DOCK9: variants seen among roughly 807,000 people sequenced by gnomAD.
DOCK9 encodes dedicator of cytokinesis protein 9.
DOCK9 carries 89 observed loss-of-function variants against 263.3 expected under a neutral mutation model. The ratio of observed to expected loss-of-function variants is 0.34; its 90% confidence interval spans 0.28 to 0.40. The LOEUF is 0.40. Ranked by LOEUF, DOCK9 falls within the 10% of genes least tolerant of loss-of-function variation. The pLI, the probability that DOCK9 is intolerant of heterozygous loss-of-function variation, is 1.00. For synonymous variants in DOCK9, 976 were observed against 973.1 expected, an observed-to-expected ratio of 1.00 and a Z score of -0.06; for missense variants, 2,140 against 2,603.4, an observed-to-expected ratio of 0.82 and a Z score of 3.87.
At chr13:98,801,381 A>G (rs1332378263) in intron 49 of DOCK9, among the ~76,000 whole-genome samples, 1 of 152,214 alleles carries the variant, frequency 6.6e-6, no homozygotes, top group Admixed American at 6.5e-5. Context: ...GAAATTCACA[A>G]ACTTTTGGAG....
At chr13:98,958,950 A>G (rs1466600458) in intron 1 of DOCK9, among the ~76,000 whole-genome samples, 3 of 152,168 alleles carry the variant, frequency 2.0e-5, no homozygotes, top group Non-Finnish European at 4.4e-5. Flanking sequence ...TTTCCCCCCA[A>G]GGTGTATCTT....
intron 1 of DOCK9, among the ~76,000 whole-genome samples, chr13:99,045,798 CA>C (rs369785921): frequency 2.0e-5 from 3 of 151,088 alleles, no homozygotes; most frequent in African/African-American, 7.3e-5. Context: ...CAAAACAAAA[CA>C]AAAAAAACAG....
At chr13:99,007,816 C>T (rs1177979879) in intron 1 of DOCK9, among the ~76,000 whole-genome samples, 1 of 152,156 alleles carries the variant, frequency 6.6e-6, no homozygotes, top group African/African-American at 2.4e-5. Flanking sequence ...TCATAAATAG[C>T]AATGATGAAA....
chr13:98,941,699 G>A (rs1457344122), intron 2 of DOCK9, among the ~76,000 whole-genome samples: 6 of 152,184 alleles, frequency 3.9e-5, no homozygotes, highest in Non-Finnish European at 5.9e-5. Flanking sequence ...TGGGGCCCAC[G>A]TGGTATGTCT....
intron 38 of DOCK9, among the ~76,000 whole-genome samples, chr13:98,837,884 G>A (rs760832374): frequency 1.3e-5 from 2 of 152,132 alleles, no homozygotes; most frequent in East Asian, 1.9e-4. Context: ...TACCAGCCAC[G>A]ATTCTATGAA....
At chr13:98,816,710 G>A (rs1354240766) in intron 45 of DOCK9, among the ~76,000 whole-genome samples, 3 of 151,636 alleles carry the variant, frequency 2.0e-5, no homozygotes, top group African/African-American at 7.3e-5. Flanking sequence ...AAAGAGGATC[G>A]GGTTAGTCAG....
intron 1 of DOCK9, among the ~76,000 whole-genome samples, chr13:99,037,169 G>A (rs901735785): frequency 6.6e-6 from 1 of 151,788 alleles, no homozygotes; most frequent in African/African-American, 2.4e-5. Flanking sequence ...ATTGCAAAAA[G>A]AGAAAAAAAT....
chr13:99,071,194 G>A (rs922671463), intron 1 of DOCK9, among the ~76,000 whole-genome samples: 1 of 151,780 alleles, frequency 6.6e-6, no homozygotes, highest in Non-Finnish European at 1.5e-5. Context: ...TCAGGCTGGA[G>A]TGCAGTGGTG....
At chr13:98,802,228 ACT>A (rs2090194814) in intron 49 of DOCK9, among the ~76,000 whole-genome samples, 1 of 152,232 alleles carries the variant, frequency 6.6e-6, no homozygotes, top group Admixed American at 6.5e-5. Flanking sequence ...TCATCTGGGT[ACT>A]GTTTATCATC....
chr13:98,885,648 C>G (rs1381205234), intron 20 of DOCK9, 60 bp downstream of exon 20: 1 of 1,508,520 alleles, frequency 6.6e-7, no homozygotes, highest in Non-Finnish European at 8.9e-7. Context: ...AATCTTAATA[C>G]AATTTAAGAA....
intron 1 of DOCK9, among the ~76,000 whole-genome samples, chr13:99,003,521 C>T (rs1012292383): frequency 4.6e-5 from 7 of 152,136 alleles, no homozygotes; most frequent in African/African-American, 1.4e-4. Flanking sequence ...TGTTGTGATG[C>T]GCTAAACCTC....
At chr13:98,892,490 G>C (rs2046777189) in intron 15 of DOCK9, among the ~76,000 whole-genome samples, 1 of 151,794 alleles carries the variant, frequency 6.6e-6, no homozygotes, top group Non-Finnish European at 1.5e-5. Context: ...AAAAGCTTTG[G>C]TGTCACTTAA....
intron 1 of DOCK9, among the ~76,000 whole-genome samples, chr13:99,055,433 T>C (rs1730570550): frequency 6.6e-6 from 1 of 152,144 alleles, no homozygotes; most frequent in South Asian, 2.1e-4. Flanking sequence ...CTGCGTTGGC[T>C]GGGCAGCCTC....
At chr13:99,022,284 A>T (rs748120240) in intron 1 of DOCK9, among the ~76,000 whole-genome samples, 2 of 152,154 alleles carry the variant, frequency 1.3e-5, no homozygotes, top group Non-Finnish European at 2.9e-5. Flanking sequence ...TTCTGCCTGG[A>T]CCACTCTGAA....
At chr13:99,042,518 A>G (rs750915894) in intron 1 of DOCK9, among the ~76,000 whole-genome samples, 2 of 152,208 alleles carry the variant, frequency 1.3e-5, no homozygotes, top group Non-Finnish European at 2.9e-5. Flanking sequence ...CCCCAGACAG[A>G]GCAGGTTTAG....
chr13:98,829,533 G>T lies in DOCK9; in HGVS notation c.4750-11C>A, dbSNP rs748806317. The T allele has an allele frequency of 4.4e-6, 7 of 1,607,884 alleles. No individual in the cohort carries two copies. The South Asian group carries it at 7.8e-5, about 18-fold the overall frequency. On this transcript the variant is annotated splice_polypyrimidine_tract_variant and intron_variant, in intron 42 of 52. Coordinates refer to ENST00000682017, the MANE Select transcript of DOCK9 (RefSeq NM_001366683.2). This position sits in a 1 kb window ranked among gnomAD's most constrained non-coding sequence, Gnocchi z 4.1. Reference sequence around the variant, plus strand: ...GGAGAAGCTGGTGTGCTAAAACAAGGGTGGAAGAGGAAAGGACACATGGCT... The same window carrying T: ...GGAGAAGCTGGTGTGCTAAAACAAGTGTGGAAGAGGAAAGGACACATGGCT...
At chr13:98,907,358 A>T (rs77491030) in intron 9 of DOCK9, among the ~76,000 whole-genome samples, 1,715 of 152,322 alleles carry the variant, frequency 0.011, 77 homozygotes, top group Admixed American at 0.077. Flanking sequence ...ATGTAGATGC[A>T]ATTCCTAGTG....
At chr13:98,833,898 G>A (rs369845216) in intron 39 of DOCK9, among the ~76,000 whole-genome samples, 1 of 152,130 alleles carries the variant, frequency 6.6e-6, no homozygotes, top group Non-Finnish European at 1.5e-5. Context: ...GGGACAAAAA[G>A]AGCAAAACAC....
intron 22 of DOCK9, 148 bp from the exon 23 acceptor site, chr13:98,883,279 G>GA: frequency 2.6e-6 from 2 of 763,220 alleles, no homozygotes; most frequent in Non-Finnish European, 4.2e-6. Flanking sequence ...ACAGAGTCTT[G>GA]CTCTGTCGCC....
Sources: gnomAD v4.1 joint callset for allele counts (sites outside exome capture counted in the v4.1 genomes callset) on GRCh38, gnomAD v4.1.1 for gene constraint, Gnocchi (gnomAD v3.1) non-coding constraint, MANE v1.5 for transcripts, NCBI Gene and HGNC (gene_info 2026-07-23, HGNC 2026-07-21) for gene names.